Variants in KLF17 observed in about 807,000 individuals in gnomAD.
The protein encoded by KLF17 is Krueppel-like factor 17.
In KLF17, 31 loss-of-function variants were observed where a neutral mutation model predicts 34.2. That is an observed-to-expected ratio of 0.91 (90% CI 0.68 to 1.22). KLF17 has a LOEUF of 1.22. Among genes scored for constraint, KLF17 ranks in the 50% most tolerant of loss-of-function variants. KLF17 has a pLI of 0.00. For synonymous variants in KLF17, 179 were observed against 186.7 expected (o/e 0.96, Z 0.34); for missense variants, 478 against 505.2 (o/e 0.95, Z 0.52).
upstream of KLF17, chr1:44,118,712 G>A (rs1291376395): frequency 2.2e-6 from 1 of 450,408 alleles, no homozygotes; most frequent in Non-Finnish European, 4.0e-6. Context: ...TGGTGAGGGT[G>A]GGTGGCAGCC....
At chr1:44,049,163 A>C in the KLF17 span, among the ~76,000 whole-genome samples, 1 of 152,172 alleles carries the variant, frequency 6.6e-6, no homozygotes, top group Non-Finnish European at 1.5e-5. Context: ...TAGAGAGAGC[A>C]TGAGCAAGCT....
chr1:44,052,316 A>G, the KLF17 span: 2 of 152,254 alleles, frequency 1.3e-5, no homozygotes, highest in Non-Finnish European at 2.9e-5. Flanking sequence ...TTACAACTGC[A>G]TAACTGTCTT....
the KLF17 span, among the ~76,000 whole-genome samples, chr1:44,086,091 A>G: frequency 0.68 from 103,099 of 152,080 alleles, 35,420 homozygotes; most frequent in South Asian, 0.78. Context: ...AAAACCTGAC[A>G]AGGGGGCACT....
the KLF17 span, chr1:44,051,184 A>G: frequency 6.6e-6 from 1 of 152,428 alleles, no homozygotes; most frequent in Non-Finnish European, 1.5e-5. Flanking sequence ...TGTTAAGATG[A>G]CAAATGGAGA....
chr1:44,087,102 G>A, the KLF17 span, among the ~76,000 whole-genome samples: 1 of 152,150 alleles, frequency 6.6e-6, no homozygotes, highest in Non-Finnish European at 1.5e-5. Context: ...ATTGAGGGTT[G>A]ATAATACAGT....
At position 44,129,610 on chromosome 1, in the gene KLF17, C is replaced by T. The variant is rs762523345; in HGVS notation, c.339C>T (p.Tyr113=). 4.3e-6 allele frequency: 7 copies of T among 1,614,086 alleles called. No individual in the cohort carries two copies. In the Admixed American group the frequency reaches 1.0e-4, roughly 23 times the overall value. ...CTCTCACTCCTTCCCGGATGATTTA[C>T]TGTCAGAGAATGTCTCCCCCTCAGC... is the stretch of plus-strand genomic sequence containing the variant. ...QATLTPSRMI[Y]CQRMSPPQQE... The change falls in exon 2 of 4, where the codon TAC becomes TAT. Residue 113 remains tyrosine (Y), a synonymous_variant. Transcript: ENST00000372299.
At chr1:44,061,763 C>A in the KLF17 span, among the ~76,000 whole-genome samples, 2 of 152,040 alleles carry the variant, frequency 1.3e-5, no homozygotes, top group Admixed American at 1.3e-4. Flanking sequence ...ACCAAAAATA[C>A]AAAAATTAGC....
At chr1:44,046,964 A>G in the KLF17 span, among the ~76,000 whole-genome samples, 2 of 145,758 alleles carry the variant, frequency 1.4e-5, no homozygotes, top group Admixed American at 7.1e-5. Context: ...CGGAGGCTGC[A>G]GTGAGCCGAG....
chr1:44,089,747 C>T, the KLF17 span, among the ~76,000 whole-genome samples: 22 of 152,138 alleles, frequency 1.4e-4, no homozygotes, highest in Non-Finnish European at 2.9e-4. Flanking sequence ...CCCAAGCAAC[C>T]ATATAGAACA....
chr1:44,059,765 A>G, the KLF17 span, among the ~76,000 whole-genome samples: 1 of 151,882 alleles, frequency 6.6e-6, no homozygotes, highest in Admixed American at 6.6e-5. Flanking sequence ...ATGACACAAA[A>G]GCAGACGTTT....
intron 1 of KLF17, among the ~76,000 whole-genome samples, chr1:44,119,955 G>A (rs113415450): frequency 6.6e-6 from 1 of 152,206 alleles, no homozygotes. Flanking sequence ...TTCAAATGGC[G>A]GCCTACCTGC....
At chr1:44,121,470 TCCTAAAA>T (rs1034049720) in intron 1 of KLF17, among the ~76,000 whole-genome samples, 16 of 152,354 alleles carry the variant, frequency 1.1e-4, no homozygotes, top group African/African-American at 3.8e-4. Context: ...CCCTAGCTAT[TCCTAAAA>T]TGTACTTCGT....
At chr1:44,121,533 G>A (rs1571984727) in intron 1 of KLF17, among the ~76,000 whole-genome samples, 1 of 152,174 alleles carries the variant, frequency 6.6e-6, no homozygotes, top group East Asian at 1.9e-4. Context: ...ACTGTATCTG[G>A]TGATTATGTC....
At chr1:44,065,724 TA>T in the KLF17 span, among the ~76,000 whole-genome samples, 63 of 152,284 alleles carry the variant, frequency 4.1e-4, no homozygotes, top group Non-Finnish European at 7.2e-4. Context: ...TAATCCTTAA[TA>T]GCTGTATTAC....
the KLF17 span, among the ~76,000 whole-genome samples, chr1:44,098,146 C>T: frequency 0.65 from 99,439 of 151,874 alleles, 32,941 homozygotes; most frequent in South Asian, 0.76. Flanking sequence ...ATTTTTTAGT[C>T]AGTTTGTTTA....
At chr1:44,096,893 G>C in the KLF17 span, among the ~76,000 whole-genome samples, 1 of 152,094 alleles carries the variant, frequency 6.6e-6, no homozygotes, top group Non-Finnish European at 1.5e-5. Flanking sequence ...TAGTCATGAA[G>C]TCTTTGCCCA....
the KLF17 span, among the ~76,000 whole-genome samples, chr1:44,086,951 C>T: frequency 6.6e-6 from 1 of 152,130 alleles, no homozygotes; most frequent in South Asian, 2.1e-4. Flanking sequence ...AGTTAAGTGC[C>T]CACTTGAGGT....
At chr1:44,069,427 C>G in the KLF17 span, among the ~76,000 whole-genome samples, 1 of 150,440 alleles carries the variant, frequency 6.6e-6, no homozygotes, top group Non-Finnish European at 1.5e-5. This position sits in a 1 kb window ranked among gnomAD's most constrained non-coding sequence, Gnocchi z 4.7. Flanking sequence ...AGGGAGCTTA[C>G]AACTGCCATG....
At chr1:44,044,071 CT>C in the KLF17 span, 1 of 153,076 alleles carries the variant, frequency 6.5e-6, no homozygotes, top group African/African-American at 2.4e-5. Context: ...TGTATTTCTG[CT>C]TTTGTGGGTT....
Sources: gnomAD v4.1 joint callset for allele counts (sites outside exome capture counted in the v4.1 genomes callset) on GRCh38, gnomAD v4.1.1 for gene constraint, Gnocchi (gnomAD v3.1) non-coding constraint, MANE v1.5 for transcripts, NCBI Gene and HGNC (gene_info 2026-07-23, HGNC 2026-07-21) for gene names.